YWHAG: variants seen among roughly 807,000 people sequenced by gnomAD.
YWHAG encodes the protein tyrosine 3-monooxygenase/tryptophan 5-monooxygenase activation protein gamma, also known as 14-3-3 protein gamma.
YWHAG carries 1 observed loss-of-function variant against 23.3 expected under a neutral mutation model. That is an observed-to-expected ratio of 0.04 (90% CI 0.02 to 0.20). The LOEUF (loss-of-function observed/expected upper bound fraction) is 0.20, where lower values mean the gene tolerates loss of function less well. Ranked by LOEUF, YWHAG falls within the 10% of genes least tolerant of loss-of-function variation. The pLI is 1.00. For synonymous variants in YWHAG, 160 were observed against 144.0 expected, an observed-to-expected ratio of 1.11 and a Z score of -0.80; for missense variants, 151 against 338.6, an observed-to-expected ratio of 0.45 and a Z score of 4.35.
At chr7:76,348,300 C>A (rs1803818148) in intron 1 of YWHAG, among the ~76,000 whole-genome samples, 1 of 147,964 alleles carries the variant, frequency 6.8e-6, no homozygotes. Flanking sequence ...AGCGTGTCGC[C>A]CAGGCTAGAG....
intron 1 of YWHAG, among the ~76,000 whole-genome samples, chr7:76,353,785 C>A (rs188519491): frequency 6.6e-6 from 1 of 151,804 alleles, no homozygotes; most frequent in East Asian, 2.0e-4. Flanking sequence ...AATTATAGAC[C>A]GGGCTGGGTG....
At chr7:76,341,937 T>C (rs1305950812) in intron 1 of YWHAG, among the ~76,000 whole-genome samples, 4 of 152,218 alleles carry the variant, frequency 2.6e-5, no homozygotes, top group Non-Finnish European at 4.4e-5. Flanking sequence ...CGACAGTTTA[T>C]ATAGCACTCT....
chr7:76,341,109 G>T (rs1803686721), intron 1 of YWHAG, among the ~76,000 whole-genome samples: 1 of 152,300 alleles, frequency 6.6e-6, no homozygotes, highest in East Asian at 1.9e-4. Flanking sequence ...ATCTTGTACA[G>T]GGGCTGGGAG....
At chr7:76,356,006 T>C (rs1803949985) in intron 1 of YWHAG, among the ~76,000 whole-genome samples, 2 of 152,244 alleles carry the variant, frequency 1.3e-5, no homozygotes, top group African/African-American at 4.8e-5. Flanking sequence ...CACAATACAG[T>C]ACTTCTGTCC....
At chr7:76,338,996 C>A (rs910539226) in intron 1 of YWHAG, among the ~76,000 whole-genome samples, 26 of 152,194 alleles carry the variant, frequency 1.7e-4, no homozygotes, top group Admixed American at 1.7e-3. Context: ...TTCCAACAAA[C>A]CCTCTCCACA....
chr7:76,337,136 T>C (rs535210287), intron 1 of YWHAG, among the ~76,000 whole-genome samples: 1 of 152,308 alleles, frequency 6.6e-6, no homozygotes, highest in South Asian at 2.1e-4. Flanking sequence ...GCAGAAGAGT[T>C]AACATAATAG....
At chr7:76,352,298 A>G (rs2115650521) in intron 1 of YWHAG, among the ~76,000 whole-genome samples, 1 of 152,338 alleles carries the variant, frequency 6.6e-6, no homozygotes, top group South Asian at 2.1e-4. Flanking sequence ...GGCTTTTTAA[A>G]GCCTTCCCCT....
intron 1 of YWHAG, among the ~76,000 whole-genome samples, chr7:76,340,886 C>CT (rs1017680859): frequency 3.3e-5 from 5 of 152,062 alleles, no homozygotes; most frequent in African/African-American, 7.2e-5. Context: ...ATACAAAATT[C>CT]TTTTTTTTGA....
chr7:76,344,706 G>A (rs1803749645), intron 1 of YWHAG, among the ~76,000 whole-genome samples: 1 of 152,048 alleles, frequency 6.6e-6, no homozygotes, highest in South Asian at 2.1e-4. Context: ...ATTATCCCAA[G>A]GCTATTCTCA....
At chr7:76,344,330 T>G (rs1441413115) in intron 1 of YWHAG, among the ~76,000 whole-genome samples, 1 of 152,076 alleles carries the variant, frequency 6.6e-6, no homozygotes, top group Non-Finnish European at 1.5e-5. Flanking sequence ...AGGCTGGTCT[T>G]GAACTCCTGA....
chr7:76,339,454 A>G lies in YWHAG; in HGVS notation c.88-9221T>C, dbSNP rs144295745. Among the ~76,000 whole-genome samples the G allele has an allele frequency of 3.3e-3, 498 of 152,324 alleles. 2 individuals are homozygous for G. Among genetic ancestry groups the G allele is most frequent in the African/African-American group, 0.011 (467 of 41,578 alleles). On this transcript the variant is annotated intron_variant, in intron 1 of 1. Transcript: ENST00000307630. ...CACTGCCCTCTAGCCTGGGCAACAG[A>G]GCAAGATTACATCTCAAAAAATACA...
intron 1 of YWHAG, among the ~76,000 whole-genome samples, chr7:76,347,737 A>G (rs1193256576): frequency 6.6e-6 from 1 of 152,188 alleles, no homozygotes; most frequent in Non-Finnish European, 1.5e-5. Context: ...ACATAAAACT[A>G]TATTATTCTG....
chr7:76,346,031 C>T (rs1803775010), intron 1 of YWHAG, among the ~76,000 whole-genome samples: 1 of 152,158 alleles, frequency 6.6e-6, no homozygotes, highest in African/African-American at 2.4e-5. Flanking sequence ...CTTTCAAAAT[C>T]AAGGTTCTGG....
chr7:76,355,530 C>T (rs1285362644), intron 1 of YWHAG, among the ~76,000 whole-genome samples: 3 of 152,084 alleles, frequency 2.0e-5, no homozygotes, highest in Non-Finnish European at 4.4e-5. Flanking sequence ...CAATTCAAGC[C>T]ACATGACTTA....
At chr7:76,358,308 G>A (rs887649825) in intron 1 of YWHAG, among the ~76,000 whole-genome samples, 4 of 152,216 alleles carry the variant, frequency 2.6e-5, no homozygotes, top group African/African-American at 9.6e-5. Flanking sequence ...AGACACCAGG[G>A]AGAGAAAGAG....
intron 1 of YWHAG, 70 bp downstream of exon 1, chr7:76,358,652 G>A: frequency 6.9e-7 from 1 of 1,440,590 alleles, no homozygotes. Context: ...ACGAAGCCCC[G>A]GGCCTTCCAC....
intron 1 of YWHAG, among the ~76,000 whole-genome samples, chr7:76,353,470 C>CA (rs760851870): frequency 6.6e-6 from 1 of 152,190 alleles, no homozygotes; most frequent in Admixed American, 6.5e-5. Flanking sequence ...CTCAGCCTCC[C>CA]AAAGTGCTGG....
In YWHAG at chr7:76,351,027, T is replaced by C. The variant is rs139226370; in HGVS notation, c.87+7695A>G. On this transcript the variant is annotated intron_variant, in intron 1 of 1. Transcript: ENST00000307630. ...AGCTACTGAAAATAATGACAGAATATCATTGAAATGATGTCAAGTGAAAAA... is the reference window on the plus strand; with the variant it reads ...AGCTACTGAAAATAATGACAGAATACCATTGAAATGATGTCAAGTGAAAAA... 1.2e-3 allele frequency among the ~76,000 whole-genome samples: 176 copies of C among 152,226 alleles called. 8 individuals are homozygous for C. In the South Asian group the frequency reaches 0.033, roughly 28 times the overall value.
chr7:76,343,862 G>C (rs577086469), intron 1 of YWHAG, among the ~76,000 whole-genome samples: 3 of 152,322 alleles, frequency 2.0e-5, no homozygotes, highest in Middle Eastern at 3.4e-3. Context: ...AGTTCATCCA[G>C]TGTTAAATTG....
Sources: allele counts gnomAD v4.1 joint callset (sites outside exome capture counted in the v4.1 genomes callset), GRCh38; gene constraint gnomAD v4.1.1; transcripts MANE v1.5; gene names NCBI Gene and HGNC (gene_info 2026-07-23, HGNC 2026-07-21).